The following CSGALNACT1 variants were observed in gnomAD, a reference collection of about 807,000 sequenced individuals.
CSGALNACT1 encodes chondroitin sulfate N-acetylgalactosaminyltransferase 1.
A neutral mutation model predicts 51.0 loss-of-function variants in CSGALNACT1; 52 were observed. The observed-to-expected ratio is 1.02, with a 90% CI of 0.82 to 1.29. CSGALNACT1 has a LOEUF of 1.29. Ranked by LOEUF, CSGALNACT1 falls within the 50% of genes most tolerant of loss-of-function variation. The probability of loss-of-function intolerance (pLI) is 0.00; values close to 1 mark genes in which losing one functional copy is unlikely to be tolerated. For missense variants in CSGALNACT1, 935 were observed against 679.2 expected, an observed-to-expected ratio of 1.38 and a Z score of -4.19; for synonymous variants, 341 against 254.4, an observed-to-expected ratio of 1.34 and a Z score of -3.24.
At chr8:19,736,073 C>T (rs17091237) in intron 1 of CSGALNACT1, among the ~76,000 whole-genome samples, 108,911 of 152,034 alleles carry the variant, frequency 0.72, 39,582 homozygotes, top group African/African-American at 0.84. Flanking sequence ...TCAAAACTTA[C>T]GGAAATAGTG....
At position 19,461,796 on chromosome 8, in the gene CSGALNACT1, A is replaced by G. The variant is rs13268074; in HGVS notation, c.635-3154T>C. 3.1e-4 allele frequency among the ~76,000 whole-genome samples: 35 copies of G among 113,988 alleles called. 3 individuals are homozygous for G. The highest frequency in any genetic ancestry group is 1.2e-3 in the East Asian group (3 of 2,466). The allele number at this position is 113,988 out of a possible 152,430, so 74.8% of individuals were successfully genotyped here. A position where few individuals can be genotyped will look rare whatever the true frequency, so the allele number is the denominator to read the frequency against. ...TGCACAGCAGCCACATTCACCATGG[A>G]GGGCGTATCCCCACAGCAGCCACAT... On this transcript the variant is annotated intron_variant, in intron 4 of 9. Coordinates refer to ENST00000454498, the Ensembl canonical transcript of CSGALNACT1.
At chr8:19,556,125 C>T (rs2039355477) in intron 3 of CSGALNACT1, among the ~76,000 whole-genome samples, 1 of 152,048 alleles carries the variant, frequency 6.6e-6, no homozygotes, top group Non-Finnish European at 1.5e-5. Flanking sequence ...TGCCTGTAAT[C>T]CCAACACTGT....
At chr8:19,465,946 T>C (rs906823357) in intron 4 of CSGALNACT1, among the ~76,000 whole-genome samples, 3 of 152,170 alleles carry the variant, frequency 2.0e-5, no homozygotes, top group African/African-American at 7.2e-5. Flanking sequence ...GAAAAGAGCA[T>C]CCAAGAAGTC....
chr8:19,694,982 A>T (rs546003497), intron 1 of CSGALNACT1, among the ~76,000 whole-genome samples: 1 of 152,324 alleles, frequency 6.6e-6, no homozygotes, highest in African/African-American at 2.4e-5. Flanking sequence ...CCCCGGAGAC[A>T]GATGCTGAGG....
At chr8:19,409,303 G>T (rs1173119651) in intron 8 of CSGALNACT1, among the ~76,000 whole-genome samples, 1 of 152,186 alleles carries the variant, frequency 6.6e-6, no homozygotes, top group Non-Finnish European at 1.5e-5. Flanking sequence ...AGCTTCTGAA[G>T]AAAGACTCTG....
intron 1 of CSGALNACT1, among the ~76,000 whole-genome samples, chr8:19,728,590 C>T (rs893765768): frequency 1.3e-5 from 2 of 152,138 alleles, no homozygotes; most frequent in Admixed American, 1.3e-4. Flanking sequence ...TACACACGCA[C>T]ACACACTCTC....
At chr8:19,741,613 C>T (rs2064325446) in intron 1 of CSGALNACT1, among the ~76,000 whole-genome samples, 1 of 150,332 alleles carries the variant, frequency 6.7e-6, no homozygotes, top group South Asian at 2.1e-4. Flanking sequence ...GGGAGCTGAT[C>T]CTGCTGGCAG....
chr8:19,454,753 G>T (rs796275966), intron 5 of CSGALNACT1, among the ~76,000 whole-genome samples: 14 of 151,856 alleles, frequency 9.2e-5, no homozygotes, highest in African/African-American at 1.4e-4. Flanking sequence ...ATTTCGTTTT[G>T]TACTGAAATG....
At chr8:19,735,123 T>G (rs559571833) in intron 1 of CSGALNACT1, among the ~76,000 whole-genome samples, 2 of 152,000 alleles carry the variant, frequency 1.3e-5, no homozygotes, top group East Asian at 3.9e-4. Flanking sequence ...TGCAGCAGCC[T>G]TAGGAGGTAA....
At chr8:19,487,640 A>G (rs546463717) in intron 4 of CSGALNACT1, among the ~76,000 whole-genome samples, 2 of 152,346 alleles carry the variant, frequency 1.3e-5, no homozygotes, top group African/African-American at 4.8e-5. Context: ...CACCTCTCTT[A>G]CAAACTCGCC....
At chr8:19,577,208 A>C (rs1228349012) in intron 3 of CSGALNACT1, among the ~76,000 whole-genome samples, 2 of 152,094 alleles carry the variant, frequency 1.3e-5, no homozygotes, top group Non-Finnish European at 2.9e-5. Context: ...GAGAATTCAT[A>C]ATTTTGTTCT....
At chr8:19,631,338 G>C (rs1393511762) in intron 1 of CSGALNACT1, among the ~76,000 whole-genome samples, 2 of 152,138 alleles carry the variant, frequency 1.3e-5, no homozygotes, top group Admixed American at 1.3e-4. Flanking sequence ...TGGAGTTTCT[G>C]TTGCTCCACA....
intron 4 of CSGALNACT1, among the ~76,000 whole-genome samples, chr8:19,462,487 C>T (rs919828572): frequency 1.3e-5 from 2 of 152,062 alleles, no homozygotes; most frequent in Non-Finnish European, 2.9e-5. Flanking sequence ...TTATGAAGAA[C>T]CTAGAGAATG....
intron 3 of CSGALNACT1, among the ~76,000 whole-genome samples, chr8:19,561,854 G>C (rs912303002): frequency 6.6e-6 from 1 of 152,192 alleles, no homozygotes; most frequent in African/African-American, 2.4e-5. Flanking sequence ...GGCCAGGAGG[G>C]TAAGAGGTAA....
chr8:19,478,587 G>C (rs2070465535), intron 4 of CSGALNACT1, among the ~76,000 whole-genome samples: 1 of 152,114 alleles, frequency 6.6e-6, no homozygotes, highest in Admixed American at 6.5e-5. Context: ...ATAATCCAGT[G>C]ATTCCTGCAA....
chr8:19,577,401 C>CAAAAAAAAAAAAAAAAAAAAA lies in CSGALNACT1; in HGVS notation c.-297+13758_-297+13759insTTTTTTTTTTTTTTTTTTTTT, dbSNP rs111734132. On this transcript the variant is annotated intron_variant, in intron 3 of 9. Transcript: ENST00000454498. The stretch of plus-strand genomic sequence containing the variant: ...ACAACGAAGCCCGACCCCACCTCTA[C>CAAAAAAAAAAAAAAAAAAAAA]AAAAAAAAAAAAAGCCTAGTATGGT... 1.0e-3 allele frequency among the ~76,000 whole-genome samples: 105 copies of CAAAAAAAAAAAAAAAAAAAAA among 104,178 alleles called. 4 individuals carry two copies. Among genetic ancestry groups the CAAAAAAAAAAAAAAAAAAAAA allele is most frequent in the African/African-American group, 4.3e-3 (99 of 23,084 alleles). 68.3% of individuals were successfully genotyped at this position (104,178 alleles called of 152,430 possible).
chr8:19,530,293 T>G (rs1018894375), intron 3 of CSGALNACT1, among the ~76,000 whole-genome samples: 2 of 150,852 alleles, frequency 1.3e-5, no homozygotes, highest in Non-Finnish European at 2.9e-5. Flanking sequence ...CCATTCAATA[T>G]CCATGAATGT....
At chr8:19,616,384 G>A (rs2053011909) in intron 1 of CSGALNACT1, among the ~76,000 whole-genome samples, 1 of 151,928 alleles carries the variant, frequency 6.6e-6, no homozygotes, top group Admixed American at 6.6e-5. Flanking sequence ...CCATCCCAAG[G>A]TACTGATGAG....
chr8:19,543,355 G>A (rs748797480), intron 3 of CSGALNACT1, among the ~76,000 whole-genome samples: 1 of 152,208 alleles, frequency 6.6e-6, no homozygotes, highest in Non-Finnish European at 1.5e-5. Flanking sequence ...TCCTTAGAAA[G>A]TCCTGCAAGA....
Sources: allele counts gnomAD v4.1 joint callset (sites outside exome capture counted in the v4.1 genomes callset), GRCh38; gene constraint gnomAD v4.1.1; transcripts MANE v1.5; gene names NCBI Gene and HGNC (gene_info 2026-07-23, HGNC 2026-07-21).